The following ITGA6 variants were observed in gnomAD, a reference collection of about 807,000 sequenced individuals.
The protein encoded by ITGA6 is integrin subunit alpha 6.
Under a neutral mutation model 133.6 loss-of-function variants are expected in ITGA6, and 63 were observed. The ratio of observed to expected loss-of-function variants is 0.47; its 90% CI spans 0.38 to 0.58. The LOEUF is 0.58. Ranked by LOEUF, ITGA6 falls within the 20% of genes least tolerant of loss-of-function variation. ITGA6 has a pLI of 0.00. For synonymous variants in ITGA6, 434 were observed against 482.0 expected, an observed-to-expected ratio of 0.90 and a Z score of 1.30; for missense variants, 1,068 against 1,309.4, an observed-to-expected ratio of 0.82 and a Z score of 2.85.
intron 25 of ITGA6, chr2:172,503,446 C>T (rs2149108102): frequency 6.6e-6 from 1 of 152,230 alleles, no homozygotes; most frequent in East Asian, 1.9e-4. Flanking sequence ...AAGTCCTATG[C>T]AGCACATGAT....
At chr2:172,482,905 C>T (rs1686508849) in intron 11 of ITGA6, among the ~76,000 whole-genome samples, 1 of 152,204 alleles carries the variant, frequency 6.6e-6, no homozygotes, top group Non-Finnish European at 1.5e-5. Flanking sequence ...GAACCAGTTA[C>T]TGCCACTTCT....
At chr2:172,451,504 G>A (rs577480971) in intron 1 of ITGA6, among the ~76,000 whole-genome samples, 1 of 152,016 alleles carries the variant, frequency 6.6e-6, no homozygotes, top group East Asian at 1.9e-4. Context: ...AAGCCTGGCT[G>A]GGGGAGAAGC....
At chr2:172,482,604 C>G (rs1254051973) in intron 11 of ITGA6, among the ~76,000 whole-genome samples, 1 of 151,766 alleles carries the variant, frequency 6.6e-6, no homozygotes, top group African/African-American at 2.4e-5. Context: ...GCACCCACAC[C>G]TCCCATACTT....
chr2:172,493,577 CAAGG>C (rs1258966286), intron 23 of ITGA6, among the ~76,000 whole-genome samples: 1 of 152,028 alleles, frequency 6.6e-6, no homozygotes, highest in African/African-American at 2.4e-5. Context: ...ATTTTACAAA[CAAGG>C]AAGCAGACTC....
At chr2:172,467,768 C>T (rs956326284) in intron 3 of ITGA6, among the ~76,000 whole-genome samples, 1 of 152,180 alleles carries the variant, frequency 6.6e-6, no homozygotes, top group Admixed American at 6.5e-5. Context: ...GGGCGGATCA[C>T]CTGAGGTCAG....
At chr2:172,497,155 A>G (rs1471233011) in intron 23 of ITGA6, among the ~76,000 whole-genome samples, 2 of 152,158 alleles carry the variant, frequency 1.3e-5, no homozygotes, top group African/African-American at 2.4e-5. Flanking sequence ...TGAATGAGGA[A>G]TGTTGGCTAC....
chr2:172,466,066 C>T (rs1574362316), intron 2 of ITGA6: 1 of 313,986 alleles, frequency 3.2e-6, no homozygotes, highest in East Asian at 8.5e-5. Flanking sequence ...TATCAGACCC[C>T]TTTGGAATGA....
chr2:172,469,770 T>G (rs1685838676), intron 4 of ITGA6, among the ~76,000 whole-genome samples: 1 of 152,220 alleles, frequency 6.6e-6, no homozygotes, highest in African/African-American at 2.4e-5. Context: ...TGTATTAACA[T>G]GGACATTAAT....
At chr2:172,475,542 A>AC in intron 7 of ITGA6, 55 bp from the exon 8 acceptor site, 1 of 933,620 alleles carries the variant, frequency 1.1e-6, no homozygotes, top group Non-Finnish European at 1.8e-6. Context: ...AAAACATTTT[A>AC]CTAGAGTGTT....
At chr2:172,462,379 G>C (rs1164783019) in intron 1 of ITGA6, among the ~76,000 whole-genome samples, 1 of 152,232 alleles carries the variant, frequency 6.6e-6, no homozygotes, top group Non-Finnish European at 1.5e-5. Context: ...CCCAGAGGCG[G>C]TGCAACAGCT....
At chr2:172,500,458 G>C (rs754395741) in intron 24 of ITGA6, among the ~76,000 whole-genome samples, 1 of 152,124 alleles carries the variant, frequency 6.6e-6, no homozygotes. Flanking sequence ...GTGAAACCCC[G>C]CGTCTACTAA....
chr2:172,493,748 A>G (rs1038582032), intron 23 of ITGA6, among the ~76,000 whole-genome samples: 1 of 152,192 alleles, frequency 6.6e-6, no homozygotes, highest in Admixed American at 6.5e-5. Context: ...TCTCCCCGTC[A>G]GGGTCACCCG....
At chr2:172,441,639 G>T (rs575695203) in intron 1 of ITGA6, among the ~76,000 whole-genome samples, 10 of 144,256 alleles carry the variant, frequency 6.9e-5, no homozygotes, top group African/African-American at 2.6e-4. Flanking sequence ...ATCTGTGAAC[G>T]AGAGTAGACA....
intron 1 of ITGA6, among the ~76,000 whole-genome samples, chr2:172,450,873 A>G (rs1684960962): frequency 6.8e-6 from 1 of 147,034 alleles, no homozygotes; most frequent in African/African-American, 2.5e-5. Context: ...ATATACAAAT[A>G]TATTTATATA....
At chr2:172,478,789 G>A (rs16860522) in intron 9 of ITGA6, among the ~76,000 whole-genome samples, 3,704 of 152,240 alleles carry the variant, frequency 0.024, 151 homozygotes, top group African/African-American at 0.084. Context: ...GGAAGGCAAA[G>A]ACTGAAGGTT....
chr2:172,441,031 T>C (rs901122671), intron 1 of ITGA6, among the ~76,000 whole-genome samples: 3 of 151,408 alleles, frequency 2.0e-5, no homozygotes, highest in East Asian at 2.0e-4. Flanking sequence ...GCAAATACTT[T>C]CCTTGTTCAC....
At chr2:172,429,598 C>G (rs2148988593) in intron 1 of ITGA6, among the ~76,000 whole-genome samples, 1 of 152,302 alleles carries the variant, frequency 6.6e-6, no homozygotes, top group East Asian at 1.9e-4. Context: ...TGCCAGGAAT[C>G]TGTGTCGTGA....
chr2:172,472,840 C>A, intron 5 of ITGA6: 1 of 1,612,736 alleles, frequency 6.2e-7, no homozygotes, highest in Non-Finnish European at 8.5e-7. Flanking sequence ...ACACGGCCTC[C>A]CCGGGAGCAG....
rs200285874 is a variant in ITGA6 at position 172,487,603 on chromosome 2, C to T, written c.2217C>T (p.Leu739=). 4.9e-5 allele frequency: 79 copies of T among 1,613,964 alleles called. No homozygotes were observed. The highest frequency in any genetic ancestry group is 5.3e-5 in the Non-Finnish European group (63 of 1,179,982). Residue 739 remains leucine, a synonymous_variant, in exon 16 of 26, where the codon CTC becomes CTT. Coordinates refer to ENST00000684293, the MANE Select transcript of ITGA6 (RefSeq NM_000210.4). ...NQNGSQADCE[L]GNPFKRNSNV... ...ATGGCTCGCAAGCTGACTGTGAGCT[C>T]GGAAATCCTTTTAAAAGAAATTCAA...
Sources: gnomAD v4.1 joint callset for allele counts (sites outside exome capture counted in the v4.1 genomes callset) on GRCh38, gnomAD v4.1.1 for gene constraint, MANE v1.5 for transcripts, NCBI Gene and HGNC (gene_info 2026-07-23, HGNC 2026-07-21) for gene names.